The following SAA2 variants were observed in gnomAD, a reference collection of about 807,000 sequenced individuals.
SAA2 encodes serum amyloid A2, also known as serum amyloid A-2 protein.
A neutral mutation model predicts 9.1 loss-of-function variants in SAA2; 5 were observed. That is an observed-to-expected ratio of 0.55 (90% CI 0.29 to 1.16). SAA2 has a LOEUF of 1.16. SAA2 is among the 50% of genes most tolerant of loss of function. SAA2 has a pLI of 0.09. For missense variants in SAA2, 94 were observed against 153.8 expected, an observed-to-expected ratio of 0.61 and a Z score of 2.06; for synonymous variants, 49 against 59.8, an observed-to-expected ratio of 0.82 and a Z score of 0.83.
chr11:18,242,517 G>A, downstream of SAA2: 1 of 455,172 alleles, frequency 2.2e-6, no homozygotes, highest in Non-Finnish European at 3.9e-6. Context: ...CAGAAACAAT[G>A]TGAATCTGGG....
At chr11:18,245,150 A>T, downstream of SAA2, 1 of 962,092 alleles carries the variant, frequency 1.0e-6, no homozygotes, top group Non-Finnish European at 1.5e-6. Context: ...AGGCCTACCT[A>T]GGCTCACCCT....
In SAA2 at chr11:18,245,366, G is replaced by A. The variant is rs1166049601; in HGVS notation, c.*11C>T. On this transcript the variant is annotated 3_prime_UTR_variant, in exon 4 of 4. Coordinates refer to ENST00000256733, the MANE Select transcript of SAA2 (RefSeq NM_030754.5). ...TAGCCAGGTCTCCTGAGAGCAGAGTGAAGAGGAAGCTCAGTATTTCTCAGG... is the reference window on the plus strand; with the variant it reads ...TAGCCAGGTCTCCTGAGAGCAGAGTAAAGAGGAAGCTCAGTATTTCTCAGG... 1.2e-6 allele frequency: 2 copies of A among 1,614,096 alleles called. No homozygotes were observed. The highest frequency in any genetic ancestry group is 2.2e-5 in the South Asian group (2 of 91,076).
downstream of SAA2, among the ~76,000 whole-genome samples, chr11:18,243,307 T>C (rs1170447964): frequency 1.3e-5 from 2 of 152,246 alleles, no homozygotes; most frequent in Non-Finnish European, 2.9e-5. Context: ...CTTGCTTTAT[T>C]TGACTTTGAA....
chr11:18,243,611 C>G (rs1422987921), downstream of SAA2, among the ~76,000 whole-genome samples: 1 of 152,128 alleles, frequency 6.6e-6, no homozygotes, highest in Non-Finnish European at 1.5e-5. Context: ...AGACTCAAAC[C>G]TCCTATACCT....
At chr11:18,242,873 C>T (rs1857389115), downstream of SAA2, 2 of 695,978 alleles carry the variant, frequency 2.9e-6, no homozygotes, top group Non-Finnish European at 2.6e-6. Flanking sequence ...CAAAACACAA[C>T]TATAACAAAG....
At position 18,247,943 on chromosome 11, in the gene SAA2, C is replaced by G. The variant is rs372429659; in HGVS notation, c.69G>C (p.Ser23=). The G allele has an allele frequency of 1.2e-6, 2 of 1,613,810 alleles. No individual in the cohort carries two copies. The highest frequency in any genetic ancestry group is 1.7e-5 in the Admixed American group (1 of 60,004). Residue 23 remains serine (S), a synonymous_variant, in exon 2 of 4, where the codon TCG becomes TCC. Transcript: ENST00000256733. The part of the protein sequence containing the change: ...VLSVSSRSFF[S]FLGEAFDGAR... Reference sequence around the variant, plus strand: ...TACCATCAAAAGCCTCGCCAAGGAACGAAAAGAAGCTTCGGCTGCTGACAC... The same window carrying G: ...TACCATCAAAAGCCTCGCCAAGGAAGGAAAAGAAGCTTCGGCTGCTGACAC...
At chr11:18,239,362 A>G (rs1857278864) in exon 4 of SAA2, 1 of 206,058 alleles carries the variant, frequency 4.9e-6, no homozygotes, top group Admixed American at 5.9e-5. Flanking sequence ...TGCCCTCATT[A>G]CTTTTTTTTC....
At chr11:18,238,725 C>T (rs1010163320), downstream of SAA2, among the ~76,000 whole-genome samples, 1 of 151,980 alleles carries the variant, frequency 6.6e-6, no homozygotes, top group Non-Finnish European at 1.5e-5. Flanking sequence ...ACTATAGTCC[C>T]CCGTTGTGCT....
chr11:18,245,883 C>A, intron 3 of SAA2, 27 bp downstream of exon 3: 2 of 1,613,840 alleles, frequency 1.2e-6, no homozygotes, highest in Non-Finnish European at 8.5e-7. Flanking sequence ...GCTCACCCAG[C>A]CCTAACGTCC....
At chr11:18,240,354 TA>T, downstream of SAA2, 1 of 699,490 alleles carries the variant, frequency 1.4e-6, no homozygotes, top group Non-Finnish European at 2.6e-6. Flanking sequence ...GATGCAGCCA[TA>T]AGGCAGATAA....
downstream of SAA2, among the ~76,000 whole-genome samples, chr11:18,241,291 G>A (rs963835813): frequency 2.6e-5 from 4 of 152,220 alleles, no homozygotes; most frequent in African/African-American, 9.7e-5. Context: ...TCATGGGAAT[G>A]TCAATTAGTA....
Position 18,245,267 on chromosome 11 carries a change from C to T in SAA2, c.*110G>A. 2.0e-6 allele frequency: 3 copies of T among 1,527,850 alleles called. No individual in the cohort carries two copies. Among genetic ancestry groups the T allele is most frequent in the Non-Finnish European group, 1.8e-6 (2 of 1,137,140 alleles). The allele number at this position is 1,527,850 out of a possible 1,614,324, so 94.6% of individuals were successfully genotyped here. ...CCACCTCTTAAGCATTTATTAGATG[C>T]CTATTATATGCCATATCTCAGCTTC... On this transcript the variant is annotated 3_prime_UTR_variant, in exon 4 of 4. Coordinates refer to ENST00000256733, the MANE Select transcript of SAA2 (RefSeq NM_030754.5).
At chr11:18,240,251 T>C, downstream of SAA2, 1 of 703,370 alleles carries the variant, frequency 1.4e-6, no homozygotes, top group Non-Finnish European at 2.6e-6. Context: ...TTTGAAAAAG[T>C]CCATCCAGTT....
At chr11:18,238,372 T>C (rs1464495646), downstream of SAA2, among the ~76,000 whole-genome samples, 2 of 152,222 alleles carry the variant, frequency 1.3e-5, no homozygotes, top group African/African-American at 2.4e-5. Flanking sequence ...TGATGGCTTA[T>C]GTTCTGCCAA....
chr11:18,238,465 C>T (rs60724030), downstream of SAA2, among the ~76,000 whole-genome samples: 2,733 of 152,072 alleles, frequency 0.018, 90 homozygotes, highest in African/African-American at 0.063. Flanking sequence ...GCTTTCCCTA[C>T]TTTGTTTTTT....
chr11:18,246,924 G>A (rs537044102), intron 2 of SAA2, among the ~76,000 whole-genome samples: 1 of 152,174 alleles, frequency 6.6e-6, no homozygotes, highest in Non-Finnish European at 1.5e-5. Context: ...GAAGGCATGG[G>A]TAGTTCAGGT....
chr11:18,242,717 A>T (rs1042253049), downstream of SAA2: 2 of 691,714 alleles, frequency 2.9e-6, no homozygotes, highest in African/African-American at 3.5e-5. Context: ...GTCATGGCGC[A>T]CATCTGCAGT....
downstream of SAA2, chr11:18,242,602 T>G: frequency 1.8e-6 from 1 of 556,578 alleles, no homozygotes; most frequent in East Asian, 3.1e-5. Context: ...TCCCAGCACT[T>G]TGGGAGGCTG....
chr11:18,244,985 T>G (rs144678754), downstream of SAA2, among the ~76,000 whole-genome samples: 51 of 152,212 alleles, frequency 3.4e-4, no homozygotes, highest in African/African-American at 1.0e-3. Flanking sequence ...CAGGAAATAA[T>G]TCACAGGAGA....
Sources: gnomAD v4.1 joint callset for allele counts (sites outside exome capture counted in the v4.1 genomes callset) on GRCh38, gnomAD v4.1.1 for gene constraint, MANE v1.5 for transcripts, NCBI Gene and HGNC (gene_info 2026-07-23, HGNC 2026-07-21) for gene names.